The following DMBT1 variants were observed in gnomAD, a reference collection of about 807,000 sequenced individuals.
DMBT1 encodes the protein deleted in malignant brain tumors 1, also known as scavenger receptor cysteine-rich domain-containing protein DMBT1.
In DMBT1, 198 loss-of-function variants were observed where a neutral mutation model predicts 252.9. That is an observed-to-expected ratio of 0.78 (90% CI 0.70 to 0.88). The LOEUF is 0.88. DMBT1 is among the 40% of genes least tolerant of loss of function. The pLI is 0.00. For missense variants in DMBT1, 2,432 were observed against 2,404.7 expected (o/e 1.01, Z -0.24); for synonymous variants, 990 against 942.7 (o/e 1.05, Z -0.92).
intron 21 of DMBT1, 32 bp downstream of exon 21, chr10:122,593,630 C>G: frequency 6.3e-7 from 1 of 1,580,378 alleles, no homozygotes; most frequent in Non-Finnish European, 8.6e-7. Flanking sequence ...TCAAAATGTC[C>G]CTTCTCTTTC....
At chr10:122,624,531 T>C (rs2098100778) in intron 44 of DMBT1, among the ~76,000 whole-genome samples, 1 of 152,164 alleles carries the variant, frequency 6.6e-6, no homozygotes, top group Non-Finnish European at 1.5e-5. Flanking sequence ...CTGTCTTTTC[T>C]AGAATCCAAT....
chr10:122,585,301 C>T lies in DMBT1; in HGVS notation c.1451C>T (p.Ser484Leu), dbSNP rs371217158. 231 of 1,586,384 alleles carry T rather than the reference C, an allele frequency of 1.5e-4. 22 individuals are homozygous for T. The highest frequency in any genetic ancestry group is 1.9e-4 in the Non-Finnish European group (217 of 1,164,294). ...DTLPTITLPA[S>L]TVGSESSLAL... Reference sequence around the variant, plus strand: ...TTGCCGACCATCACCTTACCTGCATCGACAGTAGGTAAATAATCCTCTCGC... The same window carrying T: ...TTGCCGACCATCACCTTACCTGCATTGACAGTAGGTAAATAATCCTCTCGC... The change falls in exon 15 of 56, where the codon TCG (serine) becomes TTG (leucine). Residue 484 changes from serine (S) to leucine (L), a missense_variant. Ser to Leu is a moderately radical substitution (Grantham distance 145). Transcript: ENST00000338354.
In DMBT1 at chr10:122,570,103, G is replaced by C. The variant is rs995165908; in HGVS notation, c.92-59G>C. The C allele has an allele frequency of 5.5e-6, 8 of 1,462,458 alleles. No homozygotes were observed. The East Asian group carries it at 1.8e-4, about 33-fold the overall frequency. 90.6% of individuals were successfully genotyped at this position (1,462,458 alleles called of 1,614,324 possible). A position where few individuals can be genotyped will look rare whatever the true frequency, so the allele number is the denominator to read the frequency against. On this transcript the variant is annotated intron_variant, in intron 2 of 55. Transcript: ENST00000338354. Reference sequence around the variant, plus strand: ...TTGCTTGAGAGCTGAGGAAGCCAGGGACCAGCCCTCCCCAAGCAAGGGCTA... The same window carrying C: ...TTGCTTGAGAGCTGAGGAAGCCAGGCACCAGCCCTCCCCAAGCAAGGGCTA...
chr10:122,627,230 G>A (rs973469918), intron 46 of DMBT1, among the ~76,000 whole-genome samples: 1 of 152,164 alleles, frequency 6.6e-6, no homozygotes, highest in East Asian at 1.9e-4. Flanking sequence ...CATTGTGTCT[G>A]CCTTTCAAGA....
At position 122,586,262 on chromosome 10, in the gene DMBT1, A is replaced by G. The variant is rs767177121; in HGVS notation, c.1662A>G (p.Gly554=). ...ATGCCCGGTTTGGTCAGGGCTCAGG[A>G]CCCATTGTCCTGGATGACGTGCGCT... ...PGNARFGQGS[G]PIVLDDVRCS... Residue 554 remains glycine (G), a synonymous_variant, in exon 16 of 56, where the codon GGA becomes GGG. Coordinates refer to ENST00000338354, the MANE Select transcript of DMBT1 (RefSeq NM_001377530.1). 9.4e-6 allele frequency: 15 copies of G among 1,588,646 alleles called. 1 individual carries two copies. Among genetic ancestry groups the G allele is most frequent in the Non-Finnish European group, 2.6e-6 (3 of 1,165,870 alleles).
chr10:122,638,063 C>T (rs180935279), intron 54 of DMBT1, among the ~76,000 whole-genome samples: 2 of 152,330 alleles, frequency 1.3e-5, no homozygotes, highest in Admixed American at 1.3e-4. Context: ...TTCCAGGAAA[C>T]CCCTCACTCC....
At chr10:122,633,166 A>C (rs1591568040) in intron 51 of DMBT1, 25 bp from the exon 52 acceptor site, 1 of 1,612,956 alleles carries the variant, frequency 6.2e-7, no homozygotes, top group Non-Finnish European at 8.5e-7. Flanking sequence ...GGGGTCACCG[A>C]CATTCCCACT....
At chr10:122,599,676 C>A (rs999194569) in intron 26 of DMBT1, among the ~76,000 whole-genome samples, 13 of 152,180 alleles carry the variant, frequency 8.5e-5, no homozygotes, top group African/African-American at 2.9e-4. Context: ...GGGAGGGCAG[C>A]CCCCATGAGG....
intron 15 of DMBT1, among the ~76,000 whole-genome samples, chr10:122,585,788 A>G (rs552891356): frequency 6.1e-5 from 9 of 148,686 alleles, no homozygotes; most frequent in African/African-American, 1.5e-4. Flanking sequence ...GTGTAGCTCC[A>G]TCCTGTGTGT....
At chr10:122,578,175 C>T (rs3013244) in intron 8 of DMBT1, among the ~76,000 whole-genome samples, 44,118 of 151,994 alleles carry the variant, frequency 0.29, 6,593 homozygotes, top group Middle Eastern at 0.32. Context: ...AGGGTGAGAC[C>T]CTCTAATGTT....
At position 122,593,716 on chromosome 10, in the gene DMBT1, A is replaced by T. The variant is rs550539171; in HGVS notation, c.2530+118A>T. On this transcript the variant is annotated intron_variant, in intron 21 of 55. Transcript: ENST00000338354. ...GGATACTGTGGGGCATATTATTTCC[A>T]CCCCCAACACCGGCTGTGTAACTGA... is the stretch of plus-strand genomic sequence containing the variant. 4.6e-6 allele frequency: 6 copies of T among 1,311,894 alleles called. No homozygotes were observed. In the African/African-American group the frequency reaches 8.6e-5, roughly 19 times the overall value. 81.3% of individuals were successfully genotyped at this position (1,311,894 alleles called of 1,614,324 possible). A position where few individuals can be genotyped will look rare whatever the true frequency, so the allele number is the denominator to read the frequency against.
At chr10:122,630,921 T>C in intron 48 of DMBT1, 40 bp from the exon 49 acceptor site, 5 of 1,554,410 alleles carry the variant, frequency 3.2e-6, no homozygotes, top group Non-Finnish European at 4.4e-6. Context: ...ACATTTGTTG[T>C]GGGACATGGC....
At chr10:122,635,194 G>T (rs2098216562) in intron 52 of DMBT1, among the ~76,000 whole-genome samples, 1 of 152,184 alleles carries the variant, frequency 6.6e-6, no homozygotes, top group Non-Finnish European at 1.5e-5. Context: ...CTTCACCATA[G>T]CCCTCTTCAG....
At chr10:122,617,734 A>G (rs1191688561) in intron 40 of DMBT1, among the ~76,000 whole-genome samples, 1 of 151,600 alleles carries the variant, frequency 6.6e-6, no homozygotes, top group African/African-American at 2.4e-5. Flanking sequence ...GTGGAGCTCC[A>G]TCCTGTGTGT....
chr10:122,586,508 C>G, intron 16 of DMBT1, 125 bp downstream of exon 16: 1 of 1,415,388 alleles, frequency 7.1e-7, no homozygotes, highest in South Asian at 1.5e-5. Flanking sequence ...ACCTCCTTAG[C>G]TCTCTCCTAG....
chr10:122,630,635 G>C, intron 48 of DMBT1, 145 bp downstream of exon 48: 1 of 960,622 alleles, frequency 1.0e-6, no homozygotes, highest in South Asian at 1.7e-5. Context: ...GACTGTGTGG[G>C]CAGGCCCTTG....
Position 122,630,549 on chromosome 10 carries a change from G to C in DMBT1, c.6025+59G>C, listed in dbSNP as rs533474703. On this transcript the variant is annotated intron_variant, in intron 48 of 55. Transcript: ENST00000338354. ...GGTGGATTTACCCAGCTGCCTCTTTGGGGGCACCATGGTTCCCCAAGGAAA... is the reference window on the plus strand; with the variant it reads ...GGTGGATTTACCCAGCTGCCTCTTTCGGGGCACCATGGTTCCCCAAGGAAA... 2.4e-5 allele frequency: 38 copies of C among 1,554,402 alleles called. No individual in the cohort carries two copies. In the South Asian group the frequency reaches 4.0e-4, roughly 16 times the overall value.
chr10:122,560,842 T>G lies in DMBT1; in HGVS notation c.61+11T>G, dbSNP rs1260102953. The G allele has an allele frequency of 6.5e-7, 1 of 1,548,302 alleles. No individual in the cohort carries two copies. The highest frequency in any genetic ancestry group is 8.8e-7 in the Non-Finnish European group (1 of 1,140,992). The stretch of plus-strand genomic sequence containing the variant: ...AAGTTCTATCTACAGGTATTACGTT[T>G]AATTATTATATTCATTAATTTCTCT... On this transcript the variant is annotated intron_variant, in intron 1 of 55. Transcript: ENST00000338354.
At chr10:122,580,596 T>C (rs11528752) in intron 10 of DMBT1, among the ~76,000 whole-genome samples, 29,517 of 151,850 alleles carry the variant, frequency 0.19, 4,458 homozygotes, top group African/African-American at 0.4. Flanking sequence ...ACACCTAAGA[T>C]GTGCAAGGGA....
Sources: allele counts gnomAD v4.1 joint callset (sites outside exome capture counted in the v4.1 genomes callset), GRCh38; gene constraint gnomAD v4.1.1; transcripts MANE v1.5; gene names NCBI Gene and HGNC (gene_info 2026-07-23, HGNC 2026-07-21).